Variants in AMPH observed in about 807,000 individuals in gnomAD.
The protein encoded by AMPH is amphiphysin.
AMPH carries 49 observed loss-of-function variants against 99.1 expected under a neutral mutation model. The observed-to-expected ratio is 0.49, with a 90% confidence interval of 0.39 to 0.63. The LOEUF is 0.63. Ranked by LOEUF, AMPH falls within the 20% of genes least tolerant of loss-of-function variation. The pLI is 0.00. For missense variants in AMPH, 759 were observed against 863.4 expected (o/e 0.88, Z 1.52); for synonymous variants, 314 against 317.3 (o/e 0.99, Z 0.11).
chr7:38,450,492 TGA>T (rs60553354), intron 11 of AMPH, among the ~76,000 whole-genome samples: 19,093 of 152,050 alleles, frequency 0.13, 2,144 homozygotes, highest in East Asian at 0.35. Context: ...CAGGGCATCC[TGA>T]GAGCCTGTAC....
At chr7:38,419,620 T>G (rs1437317151) in intron 16 of AMPH, among the ~76,000 whole-genome samples, 3 of 152,332 alleles carry the variant, frequency 2.0e-5, no homozygotes, top group Admixed American at 2.0e-4. Context: ...AAATAGATAC[T>G]GTAAGTGCTC....
At chr7:38,548,388 T>C (rs546074460) in intron 1 of AMPH, among the ~76,000 whole-genome samples, 1 of 152,298 alleles carries the variant, frequency 6.6e-6, no homozygotes, top group South Asian at 2.1e-4. Flanking sequence ...TAAACAGCTA[T>C]GTTATTTAGG....
intron 11 of AMPH, among the ~76,000 whole-genome samples, chr7:38,437,946 G>GT (rs1786351611): frequency 6.6e-6 from 1 of 152,176 alleles, no homozygotes; most frequent in South Asian, 2.1e-4. Flanking sequence ...CTGCAGCACA[G>GT]TAACTCCCCA....
intron 11 of AMPH, among the ~76,000 whole-genome samples, chr7:38,459,629 T>C (rs1476971822): frequency 2.0e-5 from 3 of 151,910 alleles, no homozygotes; most frequent in East Asian, 1.9e-4. Context: ...GCTGGGAAAA[T>C]TGGATATCTA....
At position 38,436,861 on chromosome 7, in the gene AMPH, G is replaced by C. The variant is rs372257078; in HGVS notation, c.1018-473C>G. On this transcript the variant is annotated intron_variant, in intron 11 of 20. Coordinates refer to ENST00000356264, the MANE Select transcript of AMPH (RefSeq NM_001635.4). Reference sequence around the variant, plus strand: ...AAGGAAGGTGCCATTGTGTACTGCTGACCACATCCCAACGGCCTCATTCCC... The same window carrying C: ...AAGGAAGGTGCCATTGTGTACTGCTCACCACATCCCAACGGCCTCATTCCC... Among the ~76,000 whole-genome samples the C allele has an allele frequency of 2.9e-4, 44 of 152,260 alleles. No homozygotes were observed. In the East Asian group the frequency reaches 3.1e-3, roughly 11 times the overall value.
At chr7:38,593,432 G>A (rs1000864463) in intron 1 of AMPH, among the ~76,000 whole-genome samples, 3 of 152,172 alleles carry the variant, frequency 2.0e-5, no homozygotes, top group Non-Finnish European at 4.4e-5. Context: ...AATTAACAGA[G>A]GTTACATCCA....
intron 17 of AMPH, among the ~76,000 whole-genome samples, chr7:38,399,303 C>A (rs1784777378): frequency 6.6e-6 from 1 of 152,218 alleles, no homozygotes; most frequent in Non-Finnish European, 1.5e-5. Flanking sequence ...TGCGTATCCT[C>A]ATAGCTTTCT....
chr7:38,415,679 C>A (rs1193565364), intron 17 of AMPH, among the ~76,000 whole-genome samples: 1 of 152,138 alleles, frequency 6.6e-6, no homozygotes, highest in East Asian at 1.9e-4. Context: ...TGGAAGGCAG[C>A]CACTACTGAT....
chr7:38,610,512 C>T (rs944176407), intron 1 of AMPH, among the ~76,000 whole-genome samples: 3 of 150,974 alleles, frequency 2.0e-5, no homozygotes, highest in African/African-American at 4.9e-5. Context: ...AAGTATAAAA[C>T]ACTAGTCTTG....
chr7:38,409,911 G>A (rs1277281644), intron 17 of AMPH, among the ~76,000 whole-genome samples: 3 of 152,222 alleles, frequency 2.0e-5, no homozygotes, highest in South Asian at 2.1e-4. Context: ...TATCCGCAAC[G>A]CATAGGGGAG....
intron 5 of AMPH, among the ~76,000 whole-genome samples, chr7:38,477,919 T>G (rs774935801): frequency 1.3e-5 from 2 of 150,496 alleles, no homozygotes; most frequent in African/African-American, 2.4e-5. Context: ...TCAAGGGGCA[T>G]AAAAGCTTCC....
chr7:38,600,564 T>A (rs1266989297), intron 1 of AMPH, among the ~76,000 whole-genome samples: 1 of 152,226 alleles, frequency 6.6e-6, no homozygotes, highest in Non-Finnish European at 1.5e-5. Context: ...TACTTACTGA[T>A]TGGCTACACT....
chr7:38,405,214 T>C (rs1035366143), intron 17 of AMPH, among the ~76,000 whole-genome samples: 15 of 152,168 alleles, frequency 9.9e-5, no homozygotes, highest in African/African-American at 3.4e-4. Context: ...TGAAAGGAGT[T>C]CTCAACATGG....
chr7:38,565,237 G>C (rs1475526470), intron 1 of AMPH, among the ~76,000 whole-genome samples: 2 of 151,942 alleles, frequency 1.3e-5, no homozygotes, highest in Non-Finnish European at 2.9e-5. Context: ...AGAGTTTCAA[G>C]CCATATTATT....
chr7:38,498,451 C>T (rs1789011319), intron 3 of AMPH, among the ~76,000 whole-genome samples: 1 of 152,190 alleles, frequency 6.6e-6, no homozygotes, highest in Non-Finnish European at 1.5e-5. Flanking sequence ...GGTTCCATTA[C>T]ATGTGATTCA....
chr7:38,581,952 A>G (rs952624475), intron 1 of AMPH, among the ~76,000 whole-genome samples: 4 of 152,160 alleles, frequency 2.6e-5, no homozygotes, highest in African/African-American at 9.7e-5. Flanking sequence ...TTGAGATGCT[A>G]TTAGATGCCT....
In AMPH at chr7:38,391,776, T is replaced by C. The variant is rs766581511; in HGVS notation, c.1850A>G (p.Gln617Arg). The C allele has an allele frequency of 4.3e-6, 7 of 1,613,826 alleles. No individual in the cohort carries two copies. The African/African-American group carries it at 6.7e-5, about 15-fold the overall frequency. The part of the protein sequence containing the change: ...DQLASAREAS[Q>R]ELPPGFLYKV... ...GTAGAGAAAGCCAGGAGGCAATTCC[T>C]GAGAGGCCTCCCTTGCAGATGCTAG... Residue 617 changes from glutamine (Q) to arginine (R), a missense_variant, in exon 19 of 21, where the codon CAG (glutamine) becomes CGG (arginine). Gln to Arg is a conservative substitution (Grantham distance 43, BLOSUM62 1). Coordinates refer to ENST00000356264, the MANE Select transcript of AMPH (RefSeq NM_001635.4).
At chr7:38,387,909 A>G (rs1161563116) in intron 20 of AMPH, among the ~76,000 whole-genome samples, 1 of 152,048 alleles carries the variant, frequency 6.6e-6, no homozygotes, top group Non-Finnish European at 1.5e-5. Flanking sequence ...TAAACAAATG[A>G]CAGCTGATTT....
At chr7:38,467,934 G>A (rs1296603397) in intron 7 of AMPH, among the ~76,000 whole-genome samples, 1 of 152,168 alleles carries the variant, frequency 6.6e-6, no homozygotes, top group Non-Finnish European at 1.5e-5. Flanking sequence ...GATGGAAGAG[G>A]TGTGTAAGCT....
Sources: gnomAD v4.1 joint callset for allele counts (sites outside exome capture counted in the v4.1 genomes callset) on GRCh38, gnomAD v4.1.1 for gene constraint, MANE v1.5 for transcripts, NCBI Gene and HGNC (gene_info 2026-07-23, HGNC 2026-07-21) for gene names.